Variants in KLHL4 observed in about 807,000 individuals in gnomAD.
KLHL4 encodes the protein kelch like family member 4, also known as kelch-like protein 4.
A neutral mutation model predicts 45.8 loss-of-function variants in KLHL4; 17 were observed. That is an observed-to-expected ratio of 0.37 (90% CI 0.25 to 0.56). The LOEUF (loss-of-function observed/expected upper bound fraction) is 0.56. Among genes scored for constraint, KLHL4 ranks in the 20% least tolerant of loss-of-function variants. The pLI, the probability that KLHL4 is intolerant of heterozygous loss-of-function variation, is 0.79. For synonymous variants in KLHL4, 224 were observed against 189.9 expected (o/e 1.18, Z -1.47); for missense variants, 544 against 544.9 (o/e 1.00, Z 0.02).
intron 8 of KLHL4, 121 bp downstream of exon 8, chrX:87,634,032 T>C (rs1228647410): frequency 3.4e-5 from 18 of 524,843 alleles, no homozygotes; most frequent in Admixed American, 9.0e-5. Flanking sequence ...TTATCAATAA[T>C]AAAAGGTCTT....
At chrX:87,643,685 T>C (rs1327703667) in intron 9 of KLHL4, among the ~76,000 whole-genome samples, 1 of 111,714 alleles carries the variant, frequency 9.0e-6, no homozygotes, top group African/African-American at 3.3e-5. Flanking sequence ...TCCAACAGCA[T>C]GTCAAAAAGA....
chrX:87,584,708 C>T (rs771819511), intron 1 of KLHL4, among the ~76,000 whole-genome samples: 8 of 109,904 alleles, frequency 7.3e-5, no homozygotes, highest in African/African-American at 2.6e-4. Context: ...CAATGAAGCA[C>T]ACCTTCAGAA....
intron 1 of KLHL4, among the ~76,000 whole-genome samples, chrX:87,611,434 C>T (rs1004687029): frequency 2.9e-4 from 32 of 110,265 alleles, no homozygotes; most frequent in African/African-American, 9.6e-4. Context: ...AATGAAAAAC[C>T]GCTTATATGA....
At chrX:87,631,676 T>A (rs1234773088) in intron 6 of KLHL4, among the ~76,000 whole-genome samples, 3 of 111,705 alleles carry the variant, frequency 2.7e-5, no homozygotes, top group Non-Finnish European at 5.6e-5. Context: ...GACACACAGC[T>A]AAAGGCCCGT....
At chrX:87,651,545 A>G (rs1026764195) in intron 9 of KLHL4, among the ~76,000 whole-genome samples, 2 of 112,394 alleles carry the variant, frequency 1.8e-5, no homozygotes, top group African/African-American at 3.2e-5. Flanking sequence ...GGAAAAAATG[A>G]CCAAAGCAAA....
intron 8 of KLHL4, 43 bp downstream of exon 8, chrX:87,633,954 A>G (rs1191025360): frequency 1.8e-6 from 2 of 1,090,887 alleles, no homozygotes; most frequent in Non-Finnish European, 2.5e-6. Context: ...CCCAGGTCAT[A>G]TAGTATAGAA....
intron 3 of KLHL4, 80 bp from the exon 4 acceptor site, chrX:87,617,851 TA>T (rs1399613505): frequency 3.3e-3 from 2,455 of 745,710 alleles, no homozygotes; most frequent in Non-Finnish European, 3.8e-3. Context: ...GAGAGGAAAA[TA>T]AAAAAAAAAT....
intron 9 of KLHL4, among the ~76,000 whole-genome samples, chrX:87,650,602 C>T (rs1038498074): frequency 3.6e-5 from 4 of 112,299 alleles, no homozygotes; most frequent in African/African-American, 1.3e-4. Context: ...AAATACTTTA[C>T]ATTAAGTATG....
intron 1 of KLHL4, among the ~76,000 whole-genome samples, chrX:87,601,142 A>G (rs1314821991): frequency 1.8e-5 from 2 of 112,121 alleles, no homozygotes; most frequent in African/African-American, 6.5e-5. Context: ...AAACGTAGAT[A>G]TAAGGCAGAG....
intron 9 of KLHL4, among the ~76,000 whole-genome samples, chrX:87,647,976 C>G (rs1184123018): frequency 9.0e-6 from 1 of 111,041 alleles, no homozygotes; most frequent in Non-Finnish European, 1.9e-5. Context: ...AATTATTATA[C>G]AGAAATTAAT....
chrX:87,522,528 G>A (rs1931022774), intron 1 of KLHL4, among the ~76,000 whole-genome samples: 1 of 111,387 alleles, frequency 9.0e-6, no homozygotes, highest in African/African-American at 3.3e-5. Context: ...CTTCTTACGA[G>A]GTGAAAATAG....
At chrX:87,580,973 A>G (rs1921256557) in intron 1 of KLHL4, among the ~76,000 whole-genome samples, 1 of 111,865 alleles carries the variant, frequency 8.9e-6, no homozygotes, top group Non-Finnish European at 1.9e-5. Flanking sequence ...GAGTACCTAA[A>G]TGTAGGGGAG....
chrX:87,552,386 AT>A (rs1425750848), intron 1 of KLHL4, among the ~76,000 whole-genome samples: 1 of 110,997 alleles, frequency 9.0e-6, no homozygotes, highest in Non-Finnish European at 1.9e-5. Context: ...AAAAATAAAA[AT>A]AAAAATAAAA....
intron 1 of KLHL4, among the ~76,000 whole-genome samples, chrX:87,536,931 T>C (rs1435310231): frequency 8.9e-6 from 1 of 111,805 alleles, no homozygotes; most frequent in Non-Finnish European, 1.9e-5. Flanking sequence ...AAAATTTAAT[T>C]TATCGGTTTT....
At chrX:87,545,099 A>G (rs1400963737) in intron 1 of KLHL4, among the ~76,000 whole-genome samples, 2 of 112,818 alleles carry the variant, frequency 1.8e-5, no homozygotes, top group Non-Finnish European at 3.7e-5. Context: ...AATTTAGCAG[A>G]TATTAAAAGA....
At chrX:87,632,563 CTT>C in intron 7 of KLHL4, 129 bp downstream of exon 7, 1 of 433,180 alleles carries the variant, frequency 2.3e-6, no homozygotes. Context: ...TGATGAAAAA[CTT>C]AAGGAAATGA....
intron 1 of KLHL4, among the ~76,000 whole-genome samples, chrX:87,557,217 G>A (rs1455003645): frequency 8.9e-6 from 1 of 111,894 alleles, no homozygotes; most frequent in Non-Finnish European, 1.9e-5. Flanking sequence ...TCACTGAAAA[G>A]TCAGGCCTGA....
At chrX:87,578,714 T>C (rs1325961951) in intron 1 of KLHL4, among the ~76,000 whole-genome samples, 1 of 111,460 alleles carries the variant, frequency 9.0e-6, no homozygotes, top group Non-Finnish European at 1.9e-5. Flanking sequence ...AATTAGAGCA[T>C]TAAGTATGTC....
intron 1 of KLHL4, among the ~76,000 whole-genome samples, chrX:87,611,866 A>G (rs1454432796): frequency 9.0e-6 from 1 of 111,172 alleles, no homozygotes; most frequent in Admixed American, 9.7e-5. Context: ...GAGGCAGAAG[A>G]CAGTGATATT....
Sources: allele counts gnomAD v4.1 joint callset (sites outside exome capture counted in the v4.1 genomes callset), GRCh38; gene constraint gnomAD v4.1.1; transcripts MANE v1.5; gene names NCBI Gene and HGNC (gene_info 2026-07-23, HGNC 2026-07-21).